The following FARP1 variants were observed in gnomAD, a reference collection of about 807,000 sequenced individuals.
FARP1 encodes FERM, ARH/RhoGEF and pleckstrin domain protein 1, also known as FERM, ARHGEF and pleckstrin domain-containing protein 1.
A neutral mutation model predicts 128.8 loss-of-function variants in FARP1; 52 were observed. The ratio of observed to expected loss-of-function variants is 0.40; its 90% CI spans 0.32 to 0.51. FARP1 has a LOEUF of 0.51. FARP1 is among the 20% of genes least tolerant of loss of function. The probability of loss-of-function intolerance (pLI) is 0.45; values close to 1 mark genes in which losing one functional copy is unlikely to be tolerated. For missense variants in FARP1, 1,333 were observed against 1,367.9 expected (o/e 0.97, Z 0.40); for synonymous variants, 580 against 551.8 (o/e 1.05, Z -0.72).
chr13:98,261,267 C>T (rs1447636131), intron 2 of FARP1, among the ~76,000 whole-genome samples: 4 of 152,164 alleles, frequency 2.6e-5, no homozygotes, highest in East Asian at 3.9e-4. Flanking sequence ...TGGCAGAGCT[C>T]ATGTGTGGGC....
chr13:98,323,901 G>C (rs1887114643), intron 2 of FARP1, among the ~76,000 whole-genome samples: 1 of 152,036 alleles, frequency 6.6e-6, no homozygotes, highest in African/African-American at 2.4e-5. Context: ...GCCTATATGA[G>C]GAAGCTAACT....
chr13:98,170,591 T>TCCAG (rs1877588183), intron 1 of FARP1, among the ~76,000 whole-genome samples: 1 of 151,100 alleles, frequency 6.6e-6, no homozygotes, highest in Admixed American at 6.6e-5. Context: ...CTCCTGACCT[T>TCCAG]GTGATCTGCC....
rs557308352 is a variant in FARP1 at position 98,382,113 on chromosome 13, G to C, written c.497-2617G>C. On this transcript the variant is annotated intron_variant, in intron 6 of 26. Coordinates refer to ENST00000319562, the MANE Select transcript of FARP1 (RefSeq NM_005766.4). ...GTGGTGGTATGTGGCGGTAGCCCCA[G>C]GTACTTGGGAAGCTGAGGTGGGAGG... Among the ~76,000 whole-genome samples the C allele has an allele frequency of 4.6e-5, 7 of 152,186 alleles. No homozygotes were observed. The East Asian group carries it at 1.4e-3, about 29-fold the overall frequency.
At position 98,409,377 on chromosome 13, in the gene FARP1, T is replaced by C. The variant is rs1476504055; in HGVS notation, c.1454T>C (p.Val485Ala). ...TGSPHLSELSVNSQGGVAPAN... is the reference protein window; with the variant it reads ...TGSPHLSELSANSQGGVAPAN... Reference sequence around the variant, plus strand: ...AGTCCTCACCTTTCCGAGCTGTCTGTGAACTCGCAGGGGGGAGTGGCCCCT... The same window carrying C: ...AGTCCTCACCTTTCCGAGCTGTCTGCGAACTCGCAGGGGGGAGTGGCCCCT... Residue 485 changes from valine (V) to alanine (A), a missense_variant, in exon 14 of 27, where the codon GTG becomes GCG. Around this residue, in one of 2 missense-constraint regions of FARP1, gnomAD observed 1,009 missense variants for 969.8 expected, o/e 1.04. Transcript: ENST00000319562. The C allele has an allele frequency of 6.2e-7, 1 of 1,613,880 alleles. No homozygotes were observed. The highest frequency in any genetic ancestry group is 2.2e-5 in the East Asian group (1 of 44,880).
chr13:98,369,535 T>G (rs1055692802), intron 5 of FARP1, among the ~76,000 whole-genome samples: 1 of 151,438 alleles, frequency 6.6e-6, no homozygotes, highest in African/African-American at 2.4e-5. Flanking sequence ...CCCACAACAG[T>G]CCCCAGAGTG....
At chr13:98,196,557 C>T (rs1185388637) in intron 1 of FARP1, among the ~76,000 whole-genome samples, 6 of 152,162 alleles carry the variant, frequency 3.9e-5, no homozygotes, top group Non-Finnish European at 4.4e-5. Context: ...TTTCACATTC[C>T]ATGAATGAGA....
At chr13:98,267,944 C>A (rs202057351) in intron 2 of FARP1, among the ~76,000 whole-genome samples, 8 of 57,296 alleles carry the variant, frequency 1.4e-4, no homozygotes, top group Admixed American at 2.0e-4. Context: ...TTAAAAAAAT[C>A]TTCTAAAATT....
intron 22 of FARP1, 25 bp from the exon 23 acceptor site, chr13:98,440,098 A>G: frequency 6.2e-7 from 1 of 1,610,616 alleles, no homozygotes; most frequent in Non-Finnish European, 8.5e-7. Flanking sequence ...TGTGGCCTGA[A>G]CACCTGACGC....
In FARP1 at chr13:98,208,338, C is replaced by A. The variant is rs1205661017; in HGVS notation, c.-23-4882C>A. Among the ~76,000 whole-genome samples the A allele has an allele frequency of 3.3e-5, 5 of 150,062 alleles. No homozygotes were observed. In the East Asian group the frequency reaches 9.8e-4, roughly 29 times the overall value. ...GAGAAAAAAAAAAAAAAAAGCCGGG[C>A]ATGGTGGTGGGCATCTGTAATCCCA... On this transcript the variant is annotated intron_variant, in intron 1 of 26. Coordinates refer to ENST00000319562, the MANE Select transcript of FARP1 (RefSeq NM_005766.4).
At chr13:98,345,549 C>T (rs1490675905) in intron 3 of FARP1, 1 of 152,208 alleles carries the variant, frequency 6.6e-6, no homozygotes, top group Non-Finnish European at 1.5e-5. Flanking sequence ...TCACTCCATT[C>T]TTACACTATT....
chr13:98,301,695 G>A (rs1435621600), intron 2 of FARP1, among the ~76,000 whole-genome samples: 2 of 152,122 alleles, frequency 1.3e-5, no homozygotes, highest in Non-Finnish European at 2.9e-5. Context: ...GGCTTTTGGG[G>A]GGAAATCAAG....
At chr13:98,390,151 T>C (rs775930907) in intron 10 of FARP1, 31 bp downstream of exon 10, 1 of 1,604,564 alleles carries the variant, frequency 6.2e-7, no homozygotes, top group Admixed American at 1.7e-5. Flanking sequence ...CTCTGTTTGC[T>C]GGGTGCACGT....
intron 2 of FARP1, chr13:98,244,971 C>T (rs1882982876): frequency 1.6e-6 from 2 of 1,233,186 alleles, no homozygotes; most frequent in African/African-American, 3.0e-5. Flanking sequence ...AGCTTTTCTG[C>T]TGTGGGTTGT....
intron 17 of FARP1, 110 bp downstream of exon 17, chr13:98,424,760 ACTC>A: frequency 3.9e-6 from 3 of 761,204 alleles, no homozygotes; most frequent in South Asian, 3.0e-5. Context: ...ACCTGATTTG[ACTC>A]TCTACACCAA....
chr13:98,343,472 A>G (rs1336317716), intron 2 of FARP1, among the ~76,000 whole-genome samples: 1 of 152,228 alleles, frequency 6.6e-6, no homozygotes, highest in Non-Finnish European at 1.5e-5. Context: ...TTGTAAACCT[A>G]AAACTACTCT....
chr13:98,186,184 G>A (rs1029619676), intron 1 of FARP1, among the ~76,000 whole-genome samples: 3 of 151,848 alleles, frequency 2.0e-5, no homozygotes, highest in Non-Finnish European at 2.9e-5. Context: ...TTGGCTCACC[G>A]CAACCTCTGC....
At chr13:98,260,172 T>A (rs1536901) in intron 2 of FARP1, among the ~76,000 whole-genome samples, 113,173 of 151,948 alleles carry the variant, frequency 0.74, 44,682 homozygotes, top group East Asian at 0.9. Flanking sequence ...CTCGTCAAGT[T>A]TCCTAATACA....
In FARP1 at chr13:98,393,717, A is replaced by G; in HGVS notation, c.1163A>G (p.Gln388Arg). The change falls in exon 12 of 27, where the codon CAG (glutamine) becomes CGG (arginine). Residue 388 changes from glutamine to arginine, a missense_variant and splice_region_variant. Gln to Arg is a conservative substitution (Grantham distance 43, BLOSUM62 1). Transcript: ENST00000319562. The stretch of plus-strand genomic sequence containing the variant: ...GAACTGAATTCGGAAGTGCTGGAGC[A>G]GGTCAGTGATGGCGCTGTCCTATGA... Reference protein sequence around the residue: ...PTELNSEVLEQSQQSTSLTFG... With the variant: ...PTELNSEVLERSQQSTSLTFG... 3.7e-6 allele frequency: 6 copies of G among 1,612,466 alleles called. No homozygotes were observed. The highest frequency in any genetic ancestry group is 5.1e-6 in the Non-Finnish European group (6 of 1,178,532).
At chr13:98,184,999 C>T (rs111431238) in intron 1 of FARP1, among the ~76,000 whole-genome samples, 106 of 152,202 alleles carry the variant, frequency 7.0e-4, no homozygotes, top group African/African-American at 2.3e-3. Flanking sequence ...TGCAGGCTAC[C>T]AACATGACAT....
Sources: allele counts gnomAD v4.1 joint callset (sites outside exome capture counted in the v4.1 genomes callset), GRCh38; gene constraint gnomAD v4.1.1; regional missense constraint gnomAD v4.1.1; transcripts MANE v1.5; gene names NCBI Gene and HGNC (gene_info 2026-07-23, HGNC 2026-07-21).